The following C12orf42 variants were observed in gnomAD, a reference collection of about 807,000 sequenced individuals.
C12orf42 encodes chromosome 12 open reading frame 42, also known as uncharacterized protein C12orf42.
C12orf42 carries 25 observed loss-of-function variants against 21.6 expected under a neutral mutation model. The observed-to-expected ratio is 1.16, with a 90% CI of 0.84 to 1.62. C12orf42 has a LOEUF of 1.62. C12orf42 is among the 40% of genes most tolerant of loss of function. C12orf42 has a pLI of 0.00. For synonymous variants in C12orf42, 174 were observed against 175.0 expected, an observed-to-expected ratio of 0.99 and a Z score of 0.05; for missense variants, 483 against 459.3, an observed-to-expected ratio of 1.05 and a Z score of -0.47.
chr12:103,362,813 T>C (rs547007971), intron 4 of C12orf42, among the ~76,000 whole-genome samples: 1 of 152,072 alleles, frequency 6.6e-6, no homozygotes, highest in South Asian at 2.1e-4. Context: ...AAAAGAATTT[T>C]AGAAAATGAA....
At chr12:103,106,732 G>T in the C12orf42 span, among the ~76,000 whole-genome samples, 30 of 151,744 alleles carry the variant, frequency 2.0e-4, no homozygotes, top group South Asian at 6.2e-3. Flanking sequence ...ACCAACAAAA[G>T]AAAGCATGGT....
the C12orf42 span, among the ~76,000 whole-genome samples, chr12:103,502,824 GTGGTA>G: frequency 8.5e-5 from 13 of 152,156 alleles, no homozygotes; most frequent in Non-Finnish European, 1.5e-4. Context: ...CCCTCAGTCT[GTGGTA>G]TAATGGGAAA....
At position 103,260,462 on chromosome 12, in the gene C12orf42, C is replaced by G. The variant is rs537583190; in HGVS notation, c.*1366+2864G>C. Among the ~76,000 whole-genome samples the G allele has an allele frequency of 4.6e-5, 7 of 152,282 alleles. No individual in the cohort carries two copies. In the South Asian group the frequency reaches 1.2e-3, roughly 27 times the overall value. The stretch of plus-strand genomic sequence containing the variant: ...ATATTAGTTCTGCTCTTTTGGCTTC[C>G]AAGTGAACCTTCTAAGTCATGGGCA... On this transcript the variant is annotated intron_variant and NMD_transcript_variant, in intron 10 of 10. Transcript: ENST00000547347.
At chr12:103,052,132 T>TA in the C12orf42 span, among the ~76,000 whole-genome samples, 2 of 152,178 alleles carry the variant, frequency 1.3e-5, no homozygotes, top group East Asian at 3.8e-4. Context: ...TGTAAATTAT[T>TA]AAAAATAATG....
the C12orf42 span, among the ~76,000 whole-genome samples, chr12:103,057,455 G>C: frequency 6.6e-6 from 1 of 151,960 alleles, no homozygotes; most frequent in Non-Finnish European, 1.5e-5. Flanking sequence ...TCCAGTATTT[G>C]GTTTTCTATT....
chr12:103,513,497 C>G, the C12orf42 span, among the ~76,000 whole-genome samples: 1 of 152,176 alleles, frequency 6.6e-6, no homozygotes, highest in African/African-American at 2.4e-5. Context: ...GATTTTCTGT[C>G]TCTTGCAAAT....
intron 2 of C12orf42, among the ~76,000 whole-genome samples, chr12:103,436,283 G>C (rs1416311552): frequency 2.6e-5 from 4 of 151,750 alleles, no homozygotes; most frequent in Non-Finnish European, 5.9e-5. Flanking sequence ...ACCGGTACCA[G>C]GCGCTGCAAA....
rs572200595 is a variant in C12orf42 at position 103,331,102 on chromosome 12, T to C, written c.260-24757A>G. Among the ~76,000 whole-genome samples, 87 of 152,316 alleles carry C rather than the reference T, an allele frequency of 5.7e-4. 1 individual carries two copies. The South Asian group carries it at 0.018, about 31-fold the overall frequency. The stretch of plus-strand genomic sequence containing the variant: ...TATGTGCCAATAAACCCAGCATAAG[T>C]TGAAAATATCCTGTCAAACTGCATT... On this transcript the variant is annotated intron_variant, in intron 4 of 5. Coordinates refer to ENST00000548883, the MANE Select transcript of C12orf42 (RefSeq NM_198521.5).
intron 4 of C12orf42, among the ~76,000 whole-genome samples, chr12:103,322,471 G>C (rs1051707483): frequency 1.3e-5 from 2 of 152,150 alleles, no homozygotes; most frequent in African/African-American, 4.8e-5. Flanking sequence ...GCTACAGTGA[G>C]CAAAAGAAGA....
intron 4 of C12orf42, among the ~76,000 whole-genome samples, chr12:103,352,490 A>G (rs902914525): frequency 6.6e-6 from 1 of 151,930 alleles, no homozygotes; most frequent in African/African-American, 2.4e-5. Flanking sequence ...CTTCTGTATT[A>G]TTTTTTCCTA....
At chr12:103,294,444 A>AAGAAAGAAAGAGAGAAAGGAGAGAG (rs1176508893) in intron 4 of C12orf42, among the ~76,000 whole-genome samples, 1 of 127,204 alleles carries the variant, frequency 7.9e-6, no homozygotes, top group African/African-American at 3.5e-5. Flanking sequence ...GAAAGAAAGA[A>AAGAAAGAAAGAGAGAAAGGAGAGAG]AGAAAGAAAG....
intron 2 of C12orf42, among the ~76,000 whole-genome samples, chr12:103,432,698 AG>A: frequency 6.6e-6 from 1 of 152,292 alleles, no homozygotes; most frequent in African/African-American, 2.4e-5. Flanking sequence ...GAGGTAATTA[AG>A]GTTAGATAAG....
At chr12:103,094,550 T>C in the C12orf42 span, among the ~76,000 whole-genome samples, 2 of 152,200 alleles carry the variant, frequency 1.3e-5, no homozygotes, top group Non-Finnish European at 2.9e-5. Context: ...CTGGGAGTCA[T>C]CTCTTCCTCC....
chr12:103,499,187 T>C (rs566405027), upstream of C12orf42, among the ~76,000 whole-genome samples: 3 of 152,236 alleles, frequency 2.0e-5, no homozygotes, highest in East Asian at 5.8e-4. Context: ...GGTGATCTAA[T>C]ATACATAATG....
At chr12:103,389,808 G>A (rs966106380) in intron 3 of C12orf42, among the ~76,000 whole-genome samples, 6 of 152,060 alleles carry the variant, frequency 3.9e-5, no homozygotes, top group African/African-American at 9.7e-5. Flanking sequence ...GATGCAGCTG[G>A]GCAGCATGCG....
the C12orf42 span, among the ~76,000 whole-genome samples, chr12:103,123,384 G>T: frequency 1.3e-5 from 2 of 152,132 alleles, no homozygotes; most frequent in Non-Finnish European, 2.9e-5. Context: ...CCGTTCCCAA[G>T]ATAATTCTGG....
chr12:103,188,751 T>C, the C12orf42 span, among the ~76,000 whole-genome samples: 2 of 152,244 alleles, frequency 1.3e-5, no homozygotes, highest in Non-Finnish European at 2.9e-5. Flanking sequence ...CTTTGCCTTC[T>C]GCCATGATTG....
downstream of C12orf42, among the ~76,000 whole-genome samples, chr12:103,299,091 C>A (rs1748791197): frequency 6.6e-6 from 1 of 152,002 alleles, no homozygotes; most frequent in Admixed American, 6.6e-5. Flanking sequence ...AGGTGGAACA[C>A]AAATATATTC....
At chr12:103,121,864 C>T in the C12orf42 span, among the ~76,000 whole-genome samples, 1 of 152,162 alleles carries the variant, frequency 6.6e-6, no homozygotes, top group Non-Finnish European at 1.5e-5. Flanking sequence ...ACTAATAACA[C>T]AAGTACTTTA....
Sources: allele counts gnomAD v4.1 joint callset (sites outside exome capture counted in the v4.1 genomes callset), GRCh38; gene constraint gnomAD v4.1.1; transcripts MANE v1.5; gene names NCBI Gene and HGNC (gene_info 2026-07-23, HGNC 2026-07-21).